The following TTC39C variants were observed in gnomAD, a reference collection of about 807,000 sequenced individuals.
The protein encoded by TTC39C is tetratricopeptide repeat protein 39C.
In TTC39C, 33 loss-of-function variants were observed where a neutral mutation model predicts 76.3. That is an observed-to-expected ratio of 0.43 (90% CI 0.33 to 0.58). The LOEUF is 0.58. Ranked by LOEUF, TTC39C falls within the 20% of genes least tolerant of loss-of-function variation. The probability of loss-of-function intolerance (pLI) is 0.04; values close to 1 mark genes in which losing one functional copy is unlikely to be tolerated. For missense variants in TTC39C, 595 were observed against 701.4 expected (o/e 0.85, Z 1.71); for synonymous variants, 254 against 260.6 (o/e 0.97, Z 0.24).
At chr18:23,993,015 A>G (rs1361983213) in exon 1 of TTC39C, 4 of 152,230 alleles carry the variant, frequency 2.6e-5, no homozygotes, top group African/African-American at 9.6e-5. Context: ...TCTTGCTCCT[A>G]AGAAATCTCA....
At chr18:24,071,793 C>T (rs1216080815) in intron 4 of TTC39C, among the ~76,000 whole-genome samples, 2 of 152,168 alleles carry the variant, frequency 1.3e-5, no homozygotes, top group East Asian at 1.9e-4. Flanking sequence ...ATTATCTTTA[C>T]AGCCTTTGCC....
At chr18:24,060,383 T>C (rs969184961) in intron 1 of TTC39C, among the ~76,000 whole-genome samples, 1 of 143,352 alleles carries the variant, frequency 7.0e-6, no homozygotes, top group Non-Finnish European at 1.5e-5. Flanking sequence ...AGTGGCGCGA[T>C]CTCGGCTCAC....
At chr18:24,025,251 G>A (rs541119235) in intron 1 of TTC39C, among the ~76,000 whole-genome samples, 2 of 152,332 alleles carry the variant, frequency 1.3e-5, no homozygotes, top group East Asian at 3.9e-4. Flanking sequence ...TTGGGTGGCA[G>A]AAATGAAATA....
At chr18:23,996,874 C>T (rs756916841) in intron 1 of TTC39C, among the ~76,000 whole-genome samples, 42 of 151,866 alleles carry the variant, frequency 2.8e-4, no homozygotes, top group Admixed American at 1.3e-3. Flanking sequence ...CTTTGGGAGG[C>T]CAAGGTGGGT....
intron 4 of TTC39C, among the ~76,000 whole-genome samples, chr18:24,076,475 C>T (rs571603994): frequency 2.9e-4 from 44 of 151,724 alleles, no homozygotes; most frequent in African/African-American, 9.7e-4. Flanking sequence ...GCTGCTGGAG[C>T]GGCCCCTGTA....
At chr18:24,026,372 G>T (rs983721619) in intron 1 of TTC39C, among the ~76,000 whole-genome samples, 1 of 152,166 alleles carries the variant, frequency 6.6e-6, no homozygotes, top group Admixed American at 6.5e-5. Context: ...ATGAATCAGG[G>T]CACAGTTGCC....
At chr18:24,088,013 TC>T (rs1275588623) in intron 6 of TTC39C, among the ~76,000 whole-genome samples, 2 of 152,230 alleles carry the variant, frequency 1.3e-5, no homozygotes, top group African/African-American at 2.4e-5. Context: ...ATTTCTTTTT[TC>T]AGAAATGATG....
chr18:24,039,981 TCAC>T (rs1039261962), intron 1 of TTC39C, among the ~76,000 whole-genome samples: 1 of 152,200 alleles, frequency 6.6e-6, no homozygotes, highest in African/African-American at 2.4e-5. Flanking sequence ...TATAATTTCT[TCAC>T]CAATTTGTCA....
At chr18:24,022,907 T>A (rs779119595) in intron 1 of TTC39C, 38 of 980,534 alleles carry the variant, frequency 3.9e-5, no homozygotes, top group Non-Finnish European at 4.6e-5. Context: ...ATGACTCCTC[T>A]GCACTCCTGC....
chr18:24,026,079 A>G (rs2083596961), intron 1 of TTC39C, among the ~76,000 whole-genome samples: 2 of 152,152 alleles, frequency 1.3e-5, no homozygotes, highest in South Asian at 4.1e-4. Context: ...ATGGCAGTTC[A>G]GGTTTCTCTG....
chr18:24,115,934 G>T (rs1035485864), intron 7 of TTC39C, among the ~76,000 whole-genome samples: 1 of 152,190 alleles, frequency 6.6e-6, no homozygotes, highest in Admixed American at 6.5e-5. Context: ...CCTTTTGTTG[G>T]TGCATCATTT....
intron 8 of TTC39C, among the ~76,000 whole-genome samples, chr18:24,122,051 C>G (rs190625964): frequency 2.4e-4 from 36 of 152,292 alleles, no homozygotes; most frequent in Admixed American, 1.1e-3. Context: ...GAGGAACCTG[C>G]CGTCTTTCCC....
At chr18:24,098,139 T>C (rs1274621940) in intron 6 of TTC39C, among the ~76,000 whole-genome samples, 2 of 152,154 alleles carry the variant, frequency 1.3e-5, no homozygotes, top group Non-Finnish European at 2.9e-5. Context: ...TCTCTGTTAA[T>C]GGGAAATTTA....
intron 1 of TTC39C, among the ~76,000 whole-genome samples, chr18:24,005,497 T>C (rs574677295): frequency 3.9e-4 from 60 of 152,258 alleles, no homozygotes; most frequent in East Asian, 7.7e-4. Context: ...AAAATTCTTT[T>C]TCAATTAACA....
chr18:24,010,289 T>C (rs1213147120), upstream of TTC39C, among the ~76,000 whole-genome samples: 1 of 152,250 alleles, frequency 6.6e-6, no homozygotes. Context: ...GTTTGAACAG[T>C]TGGCTGCTGT....
chr18:24,128,932 G>T lies in TTC39C; in HGVS notation c.1467G>T (p.Leu489Phe). The T allele has an allele frequency of 6.2e-7, 1 of 1,613,586 alleles. No individual in the cohort carries two copies. Among genetic ancestry groups the T allele is most frequent in the Non-Finnish European group, 8.5e-7 (1 of 1,179,792 alleles). ...CATCTGTTGTTGGATTAAAGTATTT[G>T]CTTCTTGGTGCCATACACAAATGTC... ...DDSSVVGLKY[L>F]LLGAIHKCLG... The change falls in exon 11 of 14, where the codon TTG becomes TTT. Residue 489 changes from leucine to phenylalanine, a missense_variant. By Grantham distance (22) the Leu-to-Phe change is conservative. Transcript: ENST00000317571.
intron 1 of TTC39C, among the ~76,000 whole-genome samples, chr18:24,024,352 C>T (rs2083571606): frequency 6.6e-6 from 1 of 151,776 alleles, no homozygotes; most frequent in Non-Finnish European, 1.5e-5. Flanking sequence ...ACACCTTTAT[C>T]CGATGATAAA....
chr18:24,036,660 T>C (rs769618985), intron 1 of TTC39C, among the ~76,000 whole-genome samples: 9 of 152,232 alleles, frequency 5.9e-5, no homozygotes, highest in Non-Finnish European at 8.8e-5. Flanking sequence ...AGACAGGATC[T>C]CACTTTGTTG....
intron 1 of TTC39C, among the ~76,000 whole-genome samples, chr18:24,026,309 T>C (rs1430293861): frequency 6.6e-6 from 1 of 152,218 alleles, no homozygotes; most frequent in African/African-American, 2.4e-5. Flanking sequence ...GCTAAGTAGG[T>C]TGTGCAAGTT....
Sources: allele counts gnomAD v4.1 joint callset (sites outside exome capture counted in the v4.1 genomes callset), GRCh38; gene constraint gnomAD v4.1.1; transcripts MANE v1.5; gene names NCBI Gene and HGNC (gene_info 2026-07-23, HGNC 2026-07-21).